The following LRMDA variants were observed in gnomAD, a reference collection of about 807,000 sequenced individuals.
LRMDA encodes leucine-rich melanocyte differentiation-associated protein.
A neutral mutation model predicts 29.8 loss-of-function variants in LRMDA; 18 were observed. That is an observed-to-expected ratio of 0.60 (90% CI 0.42 to 0.90). LRMDA has a LOEUF of 0.90. Ranked by LOEUF, LRMDA falls within the 40% of genes least tolerant of loss-of-function variation. The probability of loss-of-function intolerance (pLI) is 0.00; values close to 1 mark genes in which losing one functional copy is unlikely to be tolerated. For missense variants in LRMDA, 273 were observed against 273.9 expected, an observed-to-expected ratio of 1.00 and a Z score of 0.02; for synonymous variants, 125 against 109.4, an observed-to-expected ratio of 1.14 and a Z score of -0.89.
intron 2 of LRMDA, among the ~76,000 whole-genome samples, chr10:75,524,177 G>A (rs73275540): frequency 0.015 from 2,252 of 152,256 alleles, 62 homozygotes; most frequent in African/African-American, 0.052. Context: ...CTTTATAGTG[G>A]GAGAATTTCT....
intron 5 of LRMDA, among the ~76,000 whole-genome samples, chr10:76,062,463 C>T (rs898036030): frequency 3.3e-5 from 5 of 152,206 alleles, no homozygotes; most frequent in Admixed American, 6.5e-5. Context: ...ACCTGGCAGG[C>T]GCTGGCGCTT....
intron 2 of LRMDA, among the ~76,000 whole-genome samples, chr10:75,974,765 C>T (rs75080362): frequency 1.6e-4 from 24 of 152,170 alleles, no homozygotes; most frequent in African/African-American, 5.6e-4. Flanking sequence ...GCCATCCTGT[C>T]CCCTAAAATT....
At chr10:76,144,903 G>A (rs950940380) in intron 5 of LRMDA, among the ~76,000 whole-genome samples, 15 of 152,258 alleles carry the variant, frequency 9.9e-5, no homozygotes, top group African/African-American at 3.6e-4. Flanking sequence ...TTAGCATGAA[G>A]TGTTGTTGAA....
chr10:75,780,803 T>C (rs1843372668), intron 2 of LRMDA, among the ~76,000 whole-genome samples: 5 of 152,164 alleles, frequency 3.3e-5, no homozygotes, highest in Admixed American at 3.3e-4. Context: ...GTTTTGCTCA[T>C]CTGTGTGTCT....
chr10:75,573,645 T>C (rs1840464472), intron 2 of LRMDA, among the ~76,000 whole-genome samples: 1 of 152,222 alleles, frequency 6.6e-6, no homozygotes, highest in Non-Finnish European at 1.5e-5. Context: ...TAAAAATGTT[T>C]CCCCCATTGT....
At chr10:76,093,767 C>T (rs1456225577) in intron 5 of LRMDA, among the ~76,000 whole-genome samples, 3 of 152,186 alleles carry the variant, frequency 2.0e-5, no homozygotes, top group African/African-American at 2.4e-5. Flanking sequence ...CAACGCCACT[C>T]ATATATCTGC....
chr10:76,475,456 T>C (rs1842658656), intron 6 of LRMDA, among the ~76,000 whole-genome samples: 1 of 151,952 alleles, frequency 6.6e-6, no homozygotes, highest in East Asian at 1.9e-4. Context: ...AATGCAAGAC[T>C]TTAACACCCC....
chr10:75,948,921 C>T (rs568348668), intron 2 of LRMDA, among the ~76,000 whole-genome samples: 2 of 151,906 alleles, frequency 1.3e-5, no homozygotes, highest in African/African-American at 4.8e-5. Context: ...TGAGCCAAAT[C>T]CATTGGTTTT....
intron 5 of LRMDA, among the ~76,000 whole-genome samples, chr10:76,254,401 A>ATGCT (rs1852550554): frequency 1.3e-5 from 2 of 151,962 alleles, no homozygotes; most frequent in African/African-American, 4.8e-5. Flanking sequence ...ATGCTATGCT[A>ATGCT]TGCTATGCTA....
intron 2 of LRMDA, among the ~76,000 whole-genome samples, chr10:75,796,050 C>T (rs1843646400): frequency 6.6e-6 from 1 of 152,146 alleles, no homozygotes; most frequent in South Asian, 2.1e-4. Flanking sequence ...AACTTTGTAT[C>T]TAGCAACCTT....
chr10:75,567,858 C>T (rs1463199093), intron 2 of LRMDA, among the ~76,000 whole-genome samples: 1 of 152,128 alleles, frequency 6.6e-6, no homozygotes, highest in Non-Finnish European at 1.5e-5. Context: ...CTTGGGCCCA[C>T]TTTGCTTTGT....
At chr10:76,238,226 G>T (rs1176676880) in intron 5 of LRMDA, among the ~76,000 whole-genome samples, 1 of 152,126 alleles carries the variant, frequency 6.6e-6, no homozygotes, top group Non-Finnish European at 1.5e-5. Flanking sequence ...AGATTGCCAT[G>T]GCACATGGTG....
intron 2 of LRMDA, among the ~76,000 whole-genome samples, chr10:75,552,889 G>C (rs1360560525): frequency 3.3e-5 from 5 of 151,414 alleles, no homozygotes; most frequent in Non-Finnish European, 7.4e-5. Flanking sequence ...TTGATTTCTA[G>C]CCTTTCCATT....
intron 2 of LRMDA, among the ~76,000 whole-genome samples, chr10:75,566,170 A>G (rs955919299): frequency 2.0e-5 from 3 of 152,212 alleles, no homozygotes; most frequent in African/African-American, 4.8e-5. Context: ...ACACAGCAGT[A>G]TCAATGCTTT....
intron 6 of LRMDA, among the ~76,000 whole-genome samples, chr10:76,362,607 AC>A (rs953582995): frequency 6.6e-6 from 1 of 151,994 alleles, no homozygotes; most frequent in African/African-American, 2.4e-5. Flanking sequence ...GCTTGTTTGT[AC>A]CCCCCTGGTG....
intron 2 of LRMDA, among the ~76,000 whole-genome samples, chr10:75,897,962 C>T (rs1307201944): frequency 2.0e-5 from 3 of 151,896 alleles, no homozygotes; most frequent in South Asian, 2.1e-4. Context: ...GCTGGGATTA[C>T]AGGCACCCAC....
intron 6 of LRMDA, among the ~76,000 whole-genome samples, chr10:76,507,529 G>A (rs892378251): frequency 1.3e-5 from 2 of 151,964 alleles, no homozygotes; most frequent in African/African-American, 2.4e-5. Flanking sequence ...TGTCTGTGTT[G>A]TTGGCTGTGC....
chr10:75,649,416 T>C (rs976575929), intron 2 of LRMDA, among the ~76,000 whole-genome samples: 1 of 152,246 alleles, frequency 6.6e-6, no homozygotes, highest in African/African-American at 2.4e-5. Context: ...AGTGTACAGA[T>C]ACCTCTTCAG....
intron 2 of LRMDA, among the ~76,000 whole-genome samples, chr10:75,480,477 T>G (rs1271177552): frequency 6.6e-6 from 1 of 151,664 alleles, no homozygotes; most frequent in Non-Finnish European, 1.5e-5. Context: ...AGCTTGTATT[T>G]TAGTGAGGAG....
Sources: gnomAD v4.1 joint callset for allele counts (sites outside exome capture counted in the v4.1 genomes callset) on GRCh38, gnomAD v4.1.1 for gene constraint, MANE v1.5 for transcripts, NCBI Gene and HGNC (gene_info 2026-07-23, HGNC 2026-07-21) for gene names.